COL5A2: variants seen among roughly 807,000 people sequenced by gnomAD.
COL5A2 encodes collagen type V alpha 2 chain.
A neutral mutation model predicts 208.2 loss-of-function variants in COL5A2; 23 were observed. That is an observed-to-expected ratio of 0.11 (90% CI 0.08 to 0.16). The LOEUF is 0.16. Ranked by LOEUF, COL5A2 falls within the 10% of genes least tolerant of loss-of-function variation. COL5A2 has a pLI of 1.00. For synonymous variants in COL5A2, 625 were observed against 628.5 expected (o/e 0.99, Z 0.08); for missense variants, 1,590 against 1,956.4 (o/e 0.81, Z 3.53).
At chr2:189,328,319 A>G in the COL5A2 span, among the ~76,000 whole-genome samples, 1 of 152,048 alleles carries the variant, frequency 6.6e-6, no homozygotes, top group African/African-American at 2.4e-5. Context: ...TTCAAAAGTT[A>G]CAAGTCCAAA....
intron 44 of COL5A2, among the ~76,000 whole-genome samples, chr2:189,049,020 T>G (rs1685726855): frequency 7.3e-6 from 1 of 137,534 alleles, no homozygotes. Flanking sequence ...TTGATAAATA[T>G]GTCATTACAA....
chr2:189,338,986 A>C, the COL5A2 span, among the ~76,000 whole-genome samples: 1 of 152,180 alleles, frequency 6.6e-6, no homozygotes, highest in African/African-American at 2.4e-5. Context: ...TCTGTTGTGA[A>C]TCAGACTCTG....
chr2:189,232,293 A>AT, the COL5A2 span, among the ~76,000 whole-genome samples: 5 of 151,420 alleles, frequency 3.3e-5, no homozygotes, highest in African/African-American at 4.8e-5. Context: ...TCAGACTCAT[A>AT]TTTTTTTTCT....
chr2:189,293,220 A>T, the COL5A2 span, among the ~76,000 whole-genome samples: 2 of 152,006 alleles, frequency 1.3e-5, no homozygotes, highest in Admixed American at 6.6e-5. Flanking sequence ...TAACCTGCAC[A>T]TTGTGCACAT....
intron 31 of COL5A2, 65 bp from the exon 32 acceptor site, chr2:189,058,958 T>C: frequency 6.5e-6 from 9 of 1,390,988 alleles, no homozygotes; most frequent in Middle Eastern, 1.8e-4. Flanking sequence ...ATCAGAAAAC[T>C]TTCCAGTTCA....
At chr2:189,320,256 C>A in the COL5A2 span, among the ~76,000 whole-genome samples, 1 of 152,136 alleles carries the variant, frequency 6.6e-6, no homozygotes, top group Non-Finnish European at 1.5e-5. Flanking sequence ...AAAATCAGAG[C>A]GCCTCTCCTC....
At chr2:189,106,169 A>G (rs1687145169) in intron 2 of COL5A2, among the ~76,000 whole-genome samples, 1 of 151,534 alleles carries the variant, frequency 6.6e-6, no homozygotes, top group South Asian at 2.1e-4. Flanking sequence ...TGCTATGTTT[A>G]TATTGAGATC....
intron 1 of COL5A2, among the ~76,000 whole-genome samples, chr2:189,113,746 T>C (rs1237949688): frequency 6.7e-6 from 1 of 148,842 alleles, no homozygotes; most frequent in African/African-American, 2.5e-5. Context: ...ATTGGATATA[T>C]ATTATATATA....
the COL5A2 span, among the ~76,000 whole-genome samples, chr2:189,417,485 T>C: frequency 1.3e-5 from 2 of 152,086 alleles, no homozygotes; most frequent in Non-Finnish European, 2.9e-5. Flanking sequence ...TTCATGTTTC[T>C]ATATAAATTT....
the COL5A2 span, among the ~76,000 whole-genome samples, chr2:189,421,613 A>G: frequency 2.0e-5 from 3 of 151,992 alleles, no homozygotes; most frequent in African/African-American, 7.2e-5. Flanking sequence ...TCACTACCAC[A>G]CAGACCCCCA....
rs144829234 is a variant in COL5A2, at chr2:189,187,550, G to A, written c.-42+37598C>T. 5.2e-4 allele frequency among the ~76,000 whole-genome samples: 79 copies of A among 152,294 alleles called. No homozygotes were observed. In the East Asian group the frequency reaches 6.2e-3, roughly 12 times the overall value. ...GGTAATTGTTGTAAGTATTAAATGA[G>A]TTGAAATTTATAAAACTCTTGGAAC... On this transcript the variant is annotated intron_variant, in intron 1 of 10. Transcript: ENST00000649966.
the COL5A2 span, among the ~76,000 whole-genome samples, chr2:189,384,035 T>C: frequency 6.6e-6 from 1 of 152,152 alleles, no homozygotes; most frequent in South Asian, 2.1e-4. Flanking sequence ...TGGCTTATTT[T>C]TTTTAACATA....
the COL5A2 span, among the ~76,000 whole-genome samples, chr2:189,321,204 G>T: frequency 6.6e-6 from 1 of 152,162 alleles, no homozygotes; most frequent in Non-Finnish European, 1.5e-5. Flanking sequence ...ACCAGCCACT[G>T]CAAAAACATG....
At chr2:189,365,937 T>C in the COL5A2 span, among the ~76,000 whole-genome samples, 2 of 152,180 alleles carry the variant, frequency 1.3e-5, no homozygotes, top group South Asian at 2.1e-4. Context: ...AATCCAAAGA[T>C]GAAATGTCTC....
chr2:189,282,287 C>T, the COL5A2 span, among the ~76,000 whole-genome samples: 2 of 151,868 alleles, frequency 1.3e-5, no homozygotes, highest in African/African-American at 2.4e-5. Context: ...AATTTCTATG[C>T]CTCTATGCTA....
At chr2:189,382,359 AAAAAT>A in the COL5A2 span, among the ~76,000 whole-genome samples, 1 of 152,142 alleles carries the variant, frequency 6.6e-6, no homozygotes, top group African/African-American at 2.4e-5. Context: ...CCTTGTCTCA[AAAAAT>A]AAAATAAAAT....
At position 189,061,651 on chromosome 2, in the gene COL5A2, C is replaced by T. The variant is rs112379794; in HGVS notation, c.1978-36G>A. On this transcript the variant is annotated intron_variant, in intron 29 of 53. Transcript: ENST00000374866. ...AAGGAGAAAATAATTGTGAATATAACCAGATCTTTGTCTGCTTCCTCTCTA... is the reference window on the plus strand; with the variant it reads ...AAGGAGAAAATAATTGTGAATATAATCAGATCTTTGTCTGCTTCCTCTCTA... The T allele has an allele frequency of 1.6e-4, 239 of 1,511,972 alleles. 1 individual carries two copies. In the African/African-American group the frequency reaches 2.5e-3, roughly 16 times the overall value. The allele number at this position is 1,511,972 out of a possible 1,614,324, so 93.7% of individuals were successfully genotyped here. A position where few individuals can be genotyped will look rare whatever the true frequency, so the allele number is the denominator to read the frequency against.
chr2:189,190,895 G>C (rs566811026), intron 1 of COL5A2, among the ~76,000 whole-genome samples: 2 of 152,136 alleles, frequency 1.3e-5, no homozygotes, highest in East Asian at 1.9e-4. Context: ...ATATTGTCCT[G>C]GCCCACCAAA....
chr2:189,187,699 G>A (rs1289854062), intron 1 of COL5A2, among the ~76,000 whole-genome samples: 2 of 152,104 alleles, frequency 1.3e-5, no homozygotes, highest in African/African-American at 4.8e-5. Context: ...GGCCGGGCGC[G>A]GTGGCTCACG....
Sources: gnomAD v4.1 joint callset for allele counts (sites outside exome capture counted in the v4.1 genomes callset) on GRCh38, gnomAD v4.1.1 for gene constraint, MANE v1.5 for transcripts, NCBI Gene and HGNC (gene_info 2026-07-23, HGNC 2026-07-21) for gene names.